Variants in CEP192 observed in about 807,000 individuals in gnomAD.
The protein encoded by CEP192 is centrosomal protein 192.
In CEP192, 151 loss-of-function variants were observed where a neutral mutation model predicts 271.8. The ratio of observed to expected loss-of-function variants is 0.56; its 90% CI spans 0.49 to 0.64. The LOEUF (loss-of-function observed/expected upper bound fraction) is 0.64. Among genes scored for constraint, CEP192 ranks in the 30% least tolerant of loss-of-function variants. The pLI is 0.00. For synonymous variants in CEP192, 995 were observed against 1,076.5 expected (o/e 0.92, Z 1.48); for missense variants, 2,910 against 3,020.5 (o/e 0.96, Z 0.86).
intron 11 of CEP192, among the ~76,000 whole-genome samples, chr18:13,036,775 GGGGAC>G (rs1452962359): frequency 4.6e-5 from 7 of 152,230 alleles, no homozygotes; most frequent in Non-Finnish European, 1.0e-4. Context: ...GCAGACATTA[GGGGAC>G]TCCCAGTCTT....
intron 36 of CEP192, among the ~76,000 whole-genome samples, chr18:13,096,664 TGTGTCCCGA>T (rs1346798556): frequency 6.6e-6 from 1 of 152,232 alleles, no homozygotes; most frequent in Admixed American, 6.5e-5. Flanking sequence ...GGGGTCGCGA[TGTGTCCCGA>T]GCCCAAACAC....
intron 3 of CEP192, among the ~76,000 whole-genome samples, chr18:13,005,901 T>C (rs1568267157): frequency 6.6e-6 from 1 of 152,254 alleles, no homozygotes; most frequent in Non-Finnish European, 1.5e-5. Context: ...TTTGAAGATA[T>C]TGCTACATTG....
chr18:13,099,867 G>A (rs995282428), intron 37 of CEP192, among the ~76,000 whole-genome samples: 4 of 152,224 alleles, frequency 2.6e-5, no homozygotes, highest in African/African-American at 9.6e-5. Flanking sequence ...GAGGATGTAT[G>A]TAGATATGTG....
intron 12 of CEP192, among the ~76,000 whole-genome samples, 191 bp from the exon 13 acceptor site, chr18:13,038,179 C>T (rs1389445598): frequency 6.6e-6 from 1 of 152,078 alleles, no homozygotes; most frequent in Non-Finnish European, 1.5e-5. Flanking sequence ...CAAAAATACT[C>T]ATTTTCCTTT....
At chr18:13,065,224 C>T (rs1168749901) in intron 21 of CEP192, among the ~76,000 whole-genome samples, 1 of 151,048 alleles carries the variant, frequency 6.6e-6, no homozygotes, top group East Asian at 1.9e-4. Context: ...ATACATATAC[C>T]ATGTTATCAC....
Position 13,068,919 on chromosome 18 carries a change from G to T in CEP192, c.4890G>T (p.Thr1630=). The change falls in exon 25 of 45, where the codon ACG becomes ACT. Residue 1630 remains threonine (T), a synonymous_variant. Coordinates refer to ENST00000506447, the MANE Select transcript of CEP192 (RefSeq NM_032142.4). Reference sequence around the variant, plus strand: ...TCGAAGTTGACAGCCCAAACCCTACGCCCGTTCTTAGAAGTGTGAGTCTCC... The same window carrying T: ...TCGAAGTTGACAGCCCAAACCCTACTCCCGTTCTTAGAAGTGTGAGTCTCC... ...VDIEVDSPNP[T]PVLRSVSLRA... 6.2e-7 allele frequency: 1 copy of T among 1,614,054 alleles called. No individual in the cohort carries two copies. Among genetic ancestry groups the T allele is most frequent in the Non-Finnish European group, 8.5e-7 (1 of 1,179,992 alleles).
At chr18:13,022,323 T>C (rs2035039454) in intron 9 of CEP192, among the ~76,000 whole-genome samples, 1 of 152,186 alleles carries the variant, frequency 6.6e-6, no homozygotes, top group Admixed American at 6.5e-5. Flanking sequence ...TTTTTCAAGA[T>C]TGAGTTGGTT....
At position 13,056,697 on chromosome 18, in the gene CEP192, G is replaced by A. The variant is rs752061937; in HGVS notation, c.4107G>A (p.Leu1369=). 6.4e-7 allele frequency: 1 copy of A among 1,572,744 alleles called. No homozygotes were observed. Among genetic ancestry groups the A allele is most frequent in the Non-Finnish European group, 8.6e-7 (1 of 1,163,492 alleles). ...EPWDSGVTSG[L]GSVRVPEELK... ...GGGATTCAGGAGTGACATCAGGATT[G>A]GGTAAGATGCTTTTTCTCTATTATT... Residue 1369 remains leucine (L), a splice_region_variant and synonymous_variant, in exon 19 of 45, where the codon TTG becomes TTA. Coordinates refer to ENST00000506447, the MANE Select transcript of CEP192 (RefSeq NM_032142.4).
At position 13,071,145 on chromosome 18, in the gene CEP192, GAT is replaced by G; in HGVS notation, c.5284_5285del (p.Ile1762SerfsTer19). On this transcript the variant is annotated frameshift_variant, in exon 28 of 45. Transcript: ENST00000506447. LOFTEE classifies it high-confidence loss of function. ...ACCTCTGTCACCTGGACCTTGCTTA[GAT>G]ATTCCATCGATTTTGTCCAACAAAC... Reference protein sequence around the residue: ...SKPLSPGPCLDIPSILSNKQF... With the variant: ...SKPLSPGPCLXIPSILSNKQF... 1.2e-6 allele frequency: 2 copies of G among 1,614,174 alleles called. No individual in the cohort carries two copies. Among genetic ancestry groups the G allele is most frequent in the Non-Finnish European group, 1.7e-6 (2 of 1,180,016 alleles).
intron 9 of CEP192, among the ~76,000 whole-genome samples, chr18:13,026,779 C>CTTTCATG (rs2035326327): frequency 6.6e-6 from 1 of 152,136 alleles, no homozygotes; most frequent in Non-Finnish European, 1.5e-5. Context: ...CCACTCTGTT[C>CTTTCATG]TTTCATGTTG....
Position 13,052,979 on chromosome 18 carries a change from G to A in CEP192, c.3078G>A (p.Glu1026=), listed in dbSNP as rs1381945526. The A allele has an allele frequency of 3.3e-5, 53 of 1,613,776 alleles. No individual in the cohort carries two copies. The highest frequency in any genetic ancestry group is 4.2e-5 in the Non-Finnish European group (49 of 1,179,838). The change falls in exon 18 of 45, where the codon GAG becomes GAA. Residue 1026 remains glutamate (E), a synonymous_variant. Coordinates refer to ENST00000506447, the MANE Select transcript of CEP192 (RefSeq NM_032142.4). ...AGCAGCAGCCTCCCTGTGAGCAGGA[G>A]TTGTCTCCCTTGGTGTGCTCGCCTG... The part of the protein sequence containing the change: ...AQQQQPPCEQ[E]LSPLVCSPAG...
intron 15 of CEP192, among the ~76,000 whole-genome samples, chr18:13,043,163 T>C (rs554658585): frequency 6.5e-4 from 99 of 152,240 alleles, no homozygotes; most frequent in Admixed American, 1.4e-3. Context: ...TTGCTCATGT[T>C]TGCTGGTCAT....
intron 9 of CEP192, among the ~76,000 whole-genome samples, chr18:13,020,684 A>C (rs375370766): frequency 3.3e-5 from 5 of 152,350 alleles, no homozygotes; most frequent in African/African-American, 1.2e-4. Flanking sequence ...ACCAGTTTAC[A>C]TCCACCAACA....
At chr18:13,027,542 G>T (rs12960349) in intron 9 of CEP192, among the ~76,000 whole-genome samples, 48,872 of 151,922 alleles carry the variant, frequency 0.32, 8,097 homozygotes, top group Admixed American at 0.4. Flanking sequence ...ATGTTAGGAT[G>T]CTCTGTATTT....
chr18:13,107,566 A>G (rs2040013472), intron 40 of CEP192, among the ~76,000 whole-genome samples: 1 of 152,212 alleles, frequency 6.6e-6, no homozygotes. Flanking sequence ...ATGGAAGACA[A>G]AAGTGGCTAT....
At chr18:13,088,764 A>G (rs2039009406) in intron 32 of CEP192, 1 of 237,594 alleles carries the variant, frequency 4.2e-6, no homozygotes, top group Non-Finnish European at 8.9e-6. Flanking sequence ...GGTCATTGGA[A>G]TGTTTTACAA....
intron 28 of CEP192, among the ~76,000 whole-genome samples, 162 bp from the exon 29 acceptor site, chr18:13,072,593 C>T (rs534020785): frequency 8.5e-5 from 13 of 152,148 alleles, no homozygotes; most frequent in Admixed American, 2.0e-4. Context: ...ATTTCAGAAA[C>T]GTAGAGCCTA....
rs768408870 is a variant in CEP192, at chr18:12,999,438, G to A, written c.14G>A (p.Arg5Gln). ...TATTGCAGTGAGATGGAAGATTTTC[G>A]AGGTATAGCAGAAGAATCATTTCCA... MEDFRGIAEESFPSF... is the reference protein window; with the variant it reads MEDFQGIAEESFPSF... The change falls in exon 2 of 45, where the codon CGA becomes CAA. Residue 5 changes from arginine to glutamine, a missense_variant. Transcript: ENST00000506447. The A allele has an allele frequency of 9.7e-6, 15 of 1,543,334 alleles. No homozygotes were observed. The highest frequency in any genetic ancestry group is 1.7e-4 in the Middle Eastern group (1 of 5,984).
At chr18:13,018,814 A>G (rs558081273) in intron 8 of CEP192, among the ~76,000 whole-genome samples, 199 bp downstream of exon 8, 1 of 152,312 alleles carries the variant, frequency 6.6e-6, no homozygotes, top group South Asian at 2.1e-4. Flanking sequence ...ACCGTAGTAT[A>G]TATTTCTTGG....
Sources: allele counts gnomAD v4.1 joint callset (sites outside exome capture counted in the v4.1 genomes callset), GRCh38; gene constraint gnomAD v4.1.1; transcripts MANE v1.5; gene names NCBI Gene and HGNC (gene_info 2026-07-23, HGNC 2026-07-21).